WDFY4: variants seen among roughly 807,000 people sequenced by gnomAD.
WDFY4 encodes the protein WD repeat- and FYVE domain-containing protein 4.
WDFY4 carries 169 observed loss-of-function variants against 351.9 expected under a neutral mutation model. That is an observed-to-expected ratio of 0.48 (90% confidence interval 0.42 to 0.55). The LOEUF is 0.55. Among genes scored for constraint, WDFY4 ranks in the 20% least tolerant of loss-of-function variants. The pLI is 0.00. For missense variants in WDFY4, 3,803 were observed against 3,935.6 expected (o/e 0.97, Z 0.90); for synonymous variants, 1,622 against 1,574.6 (o/e 1.03, Z -0.71).
chr10:48,831,542 G>T (rs1335928780), intron 38 of WDFY4, among the ~76,000 whole-genome samples: 1 of 152,210 alleles, frequency 6.6e-6, no homozygotes, highest in Non-Finnish European at 1.5e-5. Flanking sequence ...TATTGTCCCA[G>T]ACTGTCCAGT....
At chr10:48,859,833 C>A (rs1194764162) in intron 39 of WDFY4, among the ~76,000 whole-genome samples, 2 of 152,056 alleles carry the variant, frequency 1.3e-5, no homozygotes, top group African/African-American at 2.4e-5. Context: ...GTGGATATGG[C>A]AATTTATTTT....
At chr10:48,800,801 C>A (rs2067062664) in intron 24 of WDFY4, among the ~76,000 whole-genome samples, 1 of 145,860 alleles carries the variant, frequency 6.9e-6, no homozygotes, top group Admixed American at 7.1e-5. Context: ...GGTGCGATCT[C>A]AGCTCACTGC....
rs2066651406 is a variant in WDFY4, at chr10:48,790,756, G to T, written c.4096G>T (p.Ala1366Ser). 2.6e-6 allele frequency: 4 copies of T among 1,551,742 alleles called. No individual in the cohort carries two copies. The highest frequency in any genetic ancestry group is 3.5e-6 in the Non-Finnish European group (4 of 1,147,026). ...GVRVFHSSPA[A>S]SSLDFIGGPA... ...GAGGGTATTCCACTCCAGCCCTGCT[G>T]CCAGCAGCCTGGACTTCATTGGCGG... The change falls in exon 23 of 62, where the codon GCC (alanine) becomes TCC (serine). Residue 1366 changes from alanine (A) to serine (S), a missense_variant. Physicochemically the swap from Ala to Ser is moderately conservative, Grantham distance 99. This residue lies in a region of WDFY4 where 3,054 missense variants were observed against 3,148.6 expected (regional missense o/e 0.97). Transcript: ENST00000325239.
At chr10:48,722,392 G>T (rs751967744) in intron 4 of WDFY4, among the ~76,000 whole-genome samples, 1 of 152,198 alleles carries the variant, frequency 6.6e-6, no homozygotes, top group Non-Finnish European at 1.5e-5. Context: ...GGGGTGAGGT[G>T]GGGGAAGGAC....
chr10:48,975,652 T>A (rs551621561), intron 58 of WDFY4, among the ~76,000 whole-genome samples: 218 of 152,294 alleles, frequency 1.4e-3, no homozygotes, highest in Non-Finnish European at 2.6e-3. Context: ...AAAGTGGTGC[T>A]CCAGGTAGGC....
intron 51 of WDFY4, among the ~76,000 whole-genome samples, chr10:48,954,118 G>A (rs1219292104): frequency 6.6e-6 from 1 of 152,112 alleles, no homozygotes. Context: ...ACCTCCTAAA[G>A]GATTTTAATT....
intron 47 of WDFY4, among the ~76,000 whole-genome samples, chr10:48,909,201 G>A (rs1466936777): frequency 6.6e-6 from 1 of 152,112 alleles, no homozygotes; most frequent in Non-Finnish European, 1.5e-5. Flanking sequence ...CCATTTTGTG[G>A]TCATTACAAA....
chr10:48,946,214 T>G, intron 50 of WDFY4, 57 bp downstream of exon 50: 3 of 1,316,236 alleles, frequency 2.3e-6, no homozygotes, highest in Non-Finnish European at 3.2e-6. Flanking sequence ...TGCCCTAAAA[T>G]GATAGTTGAT....
At chr10:48,800,696 TTC>T (rs1214345953) in intron 24 of WDFY4, among the ~76,000 whole-genome samples, 194 of 138,794 alleles carry the variant, frequency 1.4e-3, no homozygotes, top group African/African-American at 5.1e-3. Flanking sequence ...CTTTCTTTCT[TTC>T]TTTCTTTCTT....
intron 12 of WDFY4, among the ~76,000 whole-genome samples, chr10:48,757,154 G>T (rs568691660): frequency 6.6e-6 from 1 of 152,164 alleles, no homozygotes; most frequent in East Asian, 1.9e-4. Flanking sequence ...TGTTGAGTTT[G>T]GTAGTTTGTG....
At chr10:48,824,493 T>C (rs1052264581) in intron 35 of WDFY4, among the ~76,000 whole-genome samples, 2 of 152,246 alleles carry the variant, frequency 1.3e-5, no homozygotes, top group African/African-American at 4.8e-5. Context: ...TCACCAAATC[T>C]ATTTTCTGTA....
chr10:48,819,543 G>C (rs1253699063), intron 32 of WDFY4, among the ~76,000 whole-genome samples: 1 of 152,190 alleles, frequency 6.6e-6, no homozygotes, highest in Non-Finnish European at 1.5e-5. Flanking sequence ...AGGAGTCCCT[G>C]GCCGCGTGTC....
intron 1 of WDFY4, among the ~76,000 whole-genome samples, chr10:48,702,110 G>A (rs561889997): frequency 6.6e-6 from 1 of 152,228 alleles, no homozygotes; most frequent in Non-Finnish European, 1.5e-5. Context: ...CCACCACCAA[G>A]TAACTCCTCC....
chr10:48,786,174 G>A lies in WDFY4; in HGVS notation c.3577-465G>A, dbSNP rs1185381783. ...GCCTACACAAATAAAATTGATTTTT[G>A]TGTATTGATCATGTATCCTGTGACC... On this transcript the variant is annotated intron_variant, in intron 19 of 61. Coordinates refer to ENST00000325239, the MANE Select transcript of WDFY4 (RefSeq NM_001394531.1). Among the ~76,000 whole-genome samples, 3 of 151,940 alleles carry A rather than the reference G, an allele frequency of 2.0e-5. No homozygotes were observed. The East Asian group carries it at 5.8e-4, about 29-fold the overall frequency.
In WDFY4 at chr10:48,725,977, G is replaced by A; in HGVS notation, c.688G>A (p.Glu230Lys). Reference protein sequence around the residue: ...SLLIATTCLREHSCCFWKEPT... With the variant: ...SLLIATTCLRKHSCCFWKEPT... ...GCTGATTGCCACGACCTGCCTTCGG[G>A]AGCACAGCTGCTGCTTCTGGAAGGA... Residue 230 changes from glutamate (E) to lysine (K), a missense_variant, in exon 6 of 62, where the codon GAG (glutamate) becomes AAG (lysine). Around this residue, in one of 3 missense-constraint regions of WDFY4, gnomAD observed 488 missense variants for 456.8 expected, o/e 1.07. Coordinates refer to ENST00000325239, the MANE Select transcript of WDFY4 (RefSeq NM_001394531.1). 3 of 1,551,756 alleles carry A rather than the reference G, an allele frequency of 1.9e-6. No homozygotes were observed. The highest frequency in any genetic ancestry group is 2.6e-6 in the Non-Finnish European group (3 of 1,147,010).
chr10:48,969,794 G>A (rs991203411), intron 56 of WDFY4, among the ~76,000 whole-genome samples: 2 of 150,532 alleles, frequency 1.3e-5, no homozygotes, highest in African/African-American at 4.9e-5. Flanking sequence ...GCTCTCCCCA[G>A]CCCCTCCCTA....
intron 56 of WDFY4, among the ~76,000 whole-genome samples, 180 bp downstream of exon 56, chr10:48,969,428 G>A (rs1327393245): frequency 1.7e-4 from 26 of 152,196 alleles, no homozygotes; most frequent in Non-Finnish European, 4.4e-5. Context: ...CTTGGGCCGG[G>A]CCTCAAACCC....
intron 40 of WDFY4, among the ~76,000 whole-genome samples, chr10:48,868,797 G>A (rs955253615): frequency 7.9e-5 from 12 of 152,158 alleles, no homozygotes; most frequent in Non-Finnish European, 2.9e-5. Flanking sequence ...AGAAGAGCCT[G>A]GGAGATACAG....
chr10:48,788,589 C>A lies in WDFY4; in HGVS notation c.3868C>A (p.Leu1290Ile). 1 of 1,551,870 alleles carries A rather than the reference C, an allele frequency of 6.4e-7. No homozygotes were observed. Among genetic ancestry groups the A allele is most frequent in the Non-Finnish European group, 8.7e-7 (1 of 1,147,010 alleles). The change falls in exon 21 of 62, where the codon CTT (leucine) becomes ATT (isoleucine). Residue 1290 changes from leucine to isoleucine, a missense_variant. This residue lies in a region of WDFY4 where 3,054 missense variants were observed against 3,148.6 expected (regional missense o/e 0.97). Coordinates refer to ENST00000325239, the MANE Select transcript of WDFY4 (RefSeq NM_001394531.1). ...TGCAGAAGAAAGAGTTTCTTTTGGA[C>A]TTCACATAGCCAGCTCCTCTATCAC... ...FVAEERVSFG[L>I]HIASSSITSV... is the part of the protein sequence containing the mutation.
Sources: allele counts gnomAD v4.1 joint callset (sites outside exome capture counted in the v4.1 genomes callset), GRCh38; gene constraint gnomAD v4.1.1; regional missense constraint gnomAD v4.1.1; transcripts MANE v1.5; gene names NCBI Gene and HGNC (gene_info 2026-07-23, HGNC 2026-07-21).